Variants in TNNI3K observed in about 807,000 individuals in gnomAD.
TNNI3K encodes TNNI3 interacting kinase.
In TNNI3K, 140 loss-of-function variants were observed where a neutral mutation model predicts 114.5. The observed-to-expected ratio is 1.22, with a 90% CI of 1.07 to 1.41. The LOEUF is 1.41. Ranked by LOEUF, TNNI3K falls within the 40% of genes most tolerant of loss-of-function variation. The pLI is 0.00. For synonymous variants in TNNI3K, 347 were observed against 347.5 expected (o/e 1.00, Z 0.02); for missense variants, 1,125 against 1,007.6 (o/e 1.12, Z -1.58).
At chr1:74,293,091 G>A (rs1657779126) in intron 5 of TNNI3K, among the ~76,000 whole-genome samples, 1 of 151,476 alleles carries the variant, frequency 6.6e-6, no homozygotes, top group South Asian at 2.1e-4. Context: ...TTACTTTAAA[G>A]GCATTTTGTA....
intron 11 of TNNI3K, among the ~76,000 whole-genome samples, chr1:74,362,958 T>G (rs1662048535): frequency 6.6e-6 from 1 of 152,126 alleles, no homozygotes. Flanking sequence ...CAGATCATCA[T>G]TAGAGTTGCA....
intron 23 of TNNI3K, among the ~76,000 whole-genome samples, chr1:74,533,107 G>C (rs1348386429): frequency 6.6e-6 from 1 of 152,080 alleles, no homozygotes; most frequent in Non-Finnish European, 1.5e-5. Context: ...GCAAAAGAAA[G>C]TACCGTCAGA....
chr1:74,475,773 A>G (rs1668175442), intron 21 of TNNI3K: 2 of 632,252 alleles, frequency 3.2e-6, no homozygotes, highest in Non-Finnish European at 5.8e-6. Flanking sequence ...GTTTCCAGTT[A>G]AATACAACTA....
intron 17 of TNNI3K, among the ~76,000 whole-genome samples, chr1:74,410,284 T>G (rs1445848971): frequency 6.6e-6 from 1 of 152,188 alleles, no homozygotes; most frequent in African/African-American, 2.4e-5. Context: ...AATTTCTTGT[T>G]TTAAAACTGG....
At chr1:74,258,356 C>A (rs1168907704) in intron 4 of TNNI3K, among the ~76,000 whole-genome samples, 1 of 152,184 alleles carries the variant, frequency 6.6e-6, no homozygotes, top group Non-Finnish European at 1.5e-5. Context: ...ACTCTTAACT[C>A]AGTGAGACTT....
At chr1:74,482,942 G>A (rs1485347840) in intron 21 of TNNI3K, among the ~76,000 whole-genome samples, 1 of 152,180 alleles carries the variant, frequency 6.6e-6, no homozygotes, top group Non-Finnish European at 1.5e-5. Context: ...GCTGGTGGTA[G>A]AGTTCAAATC....
chr1:74,285,743 G>A (rs1320107381), intron 5 of TNNI3K, among the ~76,000 whole-genome samples: 2 of 151,948 alleles, frequency 1.3e-5, no homozygotes, highest in African/African-American at 4.8e-5. Flanking sequence ...AGTGTTTTAG[G>A]AATTAAACAG....
intron 9 of TNNI3K, among the ~76,000 whole-genome samples, chr1:74,345,557 C>T (rs1660960579): frequency 6.6e-6 from 1 of 152,110 alleles, no homozygotes; most frequent in Admixed American, 6.5e-5. Context: ...TAGGCAAGGC[C>T]ATCCCAGGAA....
chr1:74,401,794 A>ATCTC (rs1443799349), intron 17 of TNNI3K: 1 of 445,780 alleles, frequency 2.2e-6, no homozygotes, highest in South Asian at 1.6e-5. Context: ...ATTAATTCAA[A>ATCTC]TCTCTTCTTA....
chr1:74,294,209 A>G (rs564080942), intron 5 of TNNI3K, among the ~76,000 whole-genome samples: 3 of 152,056 alleles, frequency 2.0e-5, no homozygotes, highest in Non-Finnish European at 2.9e-5. Flanking sequence ...ACATTGTCCT[A>G]TAATTTATTT....
At chr1:74,383,832 T>A (rs898628615) in intron 17 of TNNI3K, among the ~76,000 whole-genome samples, 3 of 152,134 alleles carry the variant, frequency 2.0e-5, no homozygotes, top group African/African-American at 7.2e-5. Flanking sequence ...TCTAATTAAA[T>A]CTTCGTAGCT....
intron 4 of TNNI3K, among the ~76,000 whole-genome samples, chr1:74,255,223 G>A (rs1274890048): frequency 6.6e-5 from 10 of 151,400 alleles, no homozygotes; most frequent in Non-Finnish European, 1.3e-4. Flanking sequence ...GCGTAGTGGC[G>A]GGCGCCTGTA....
intron 17 of TNNI3K, among the ~76,000 whole-genome samples, chr1:74,387,738 T>G (rs1663560341): frequency 2.0e-5 from 3 of 152,184 alleles, no homozygotes. Flanking sequence ...CTCTGCCACT[T>G]CAAAACACTG....
intron 9 of TNNI3K, among the ~76,000 whole-genome samples, chr1:74,351,212 T>C (rs1424359227): frequency 2.0e-5 from 3 of 151,998 alleles, no homozygotes; most frequent in African/African-American, 7.2e-5. Flanking sequence ...ATTTTATTTC[T>C]CCTTCACTTA....
chr1:74,448,252 G>A (rs1287044374), intron 20 of TNNI3K, among the ~76,000 whole-genome samples: 7 of 78,090 alleles, frequency 9.0e-5, no homozygotes, highest in Admixed American at 1.5e-4. Context: ...CTAAAACTTA[G>A]AGTATAATAA....
At chr1:74,542,351 G>C (rs1360751329) in intron 24 of TNNI3K, among the ~76,000 whole-genome samples, 3 of 152,200 alleles carry the variant, frequency 2.0e-5, no homozygotes, top group African/African-American at 7.2e-5. Flanking sequence ...CAAGCTTATG[G>C]AAGCATCTAC....
chr1:74,336,019 C>A lies in TNNI3K; in HGVS notation c.552C>A (p.Arg184=). The A allele has an allele frequency of 1.3e-6, 2 of 1,569,766 alleles. No homozygotes were observed. The highest frequency in any genetic ancestry group is 2.1e-5 in the Admixed American group (1 of 46,916). The part of the protein sequence containing the change: ...AAYYGHEQVT[R]LLLKFGADVN... The stretch of plus-strand genomic sequence containing the variant: ...ATGAATAAATCCTTTAGGTAACTCG[C>A]CTTCTTTTGAAATTTGGTGCTGATG... The change falls in exon 7 of 25, where the codon CGC becomes CGA. Residue 184 remains arginine (R), a synonymous_variant. Coordinates refer to ENST00000326637, the MANE Select transcript of TNNI3K (RefSeq NM_015978.3).
At chr1:74,319,191 G>C (rs1401786508) in intron 5 of TNNI3K, among the ~76,000 whole-genome samples, 1 of 152,128 alleles carries the variant, frequency 6.6e-6, no homozygotes, top group Admixed American at 6.5e-5. Context: ...TCTTCACATG[G>C]ACTTTGGCAG....
intron 11 of TNNI3K, among the ~76,000 whole-genome samples, chr1:74,364,978 A>G (rs1038881264): frequency 6.6e-6 from 1 of 152,148 alleles, no homozygotes; most frequent in South Asian, 2.1e-4. Context: ...TATGTTTGTC[A>G]TAACTAGCAA....
Sources: allele counts gnomAD v4.1 joint callset (sites outside exome capture counted in the v4.1 genomes callset), GRCh38; gene constraint gnomAD v4.1.1; transcripts MANE v1.5; gene names NCBI Gene and HGNC (gene_info 2026-07-23, HGNC 2026-07-21).